IL1RAPL1: variants seen among roughly 807,000 people sequenced by gnomAD.
IL1RAPL1 encodes interleukin 1 receptor accessory protein like 1.
IL1RAPL1 carries 3 observed loss-of-function variants against 48.4 expected under a neutral mutation model. The observed-to-expected ratio is 0.06, with a 90% CI of 0.03 to 0.16. The LOEUF is 0.16. Among genes scored for constraint, IL1RAPL1 ranks in the 10% least tolerant of loss-of-function variants. IL1RAPL1 has a pLI of 1.00. For missense variants in IL1RAPL1, 349 were observed against 530.6 expected, an observed-to-expected ratio of 0.66 and a Z score of 3.36; for synonymous variants, 185 against 187.7, an observed-to-expected ratio of 0.99 and a Z score of 0.12.
chrX:29,035,324 T>TC lies in IL1RAPL1; in HGVS notation c.82+245901dup, dbSNP rs771264962. ...GTGAGAGACAGACACCTATGACACATCCATGGAGCAGAATAATGAATGCAA... is the reference window on the plus strand; with the variant it reads ...GTGAGAGACAGACACCTATGACACATCCCATGGAGCAGAATAATGAATGCAA... On this transcript the variant is annotated intron_variant, in intron 2 of 10. Coordinates refer to ENST00000378993, the MANE Select transcript of IL1RAPL1 (RefSeq NM_014271.4). Among the ~76,000 whole-genome samples the TC allele has an allele frequency of 2.8e-4, 31 of 111,531 alleles. No homozygotes were observed. The East Asian group carries it at 8.7e-3, about 31-fold the overall frequency.
intron 5 of IL1RAPL1, among the ~76,000 whole-genome samples, chrX:29,534,893 C>T (rs758440224): frequency 6.5e-5 from 7 of 108,385 alleles, no homozygotes; most frequent in African/African-American, 1.0e-4. Context: ...GGCGTGAACC[C>T]GGGAGGCGGA....
intron 5 of IL1RAPL1, among the ~76,000 whole-genome samples, chrX:29,550,534 C>G (rs1405714945): frequency 9.0e-6 from 1 of 111,487 alleles, no homozygotes; most frequent in Non-Finnish European, 1.9e-5. Flanking sequence ...AGACCTCTGC[C>G]CTATTAAAAA....
intron 6 of IL1RAPL1, among the ~76,000 whole-genome samples, chrX:29,792,496 GA>G (rs1192221876): frequency 8.9e-6 from 1 of 111,862 alleles, no homozygotes; most frequent in African/African-American, 3.2e-5. Flanking sequence ...TGTTAAGATA[GA>G]AATACTCTCG....
chrX:28,734,461 T>C (rs1376170240), intron 1 of IL1RAPL1, among the ~76,000 whole-genome samples: 1 of 111,242 alleles, frequency 9.0e-6, no homozygotes, highest in Non-Finnish European at 1.9e-5. Context: ...CTTAAGGATT[T>C]GCATTTGCTG....
chrX:28,704,304 T>C (rs910872085), intron 1 of IL1RAPL1, among the ~76,000 whole-genome samples: 9 of 109,437 alleles, frequency 8.2e-5, no homozygotes, highest in Non-Finnish European at 1.5e-4. Flanking sequence ...TAGGGAATCA[T>C]AGTTTCTTTT....
intron 3 of IL1RAPL1, among the ~76,000 whole-genome samples, chrX:29,287,981 T>C (rs1932310001): frequency 8.9e-6 from 1 of 111,796 alleles, no homozygotes; most frequent in African/African-American, 3.2e-5. Flanking sequence ...TGCCAAGTGC[T>C]AAGTCCTGAA....
intron 2 of IL1RAPL1, among the ~76,000 whole-genome samples, chrX:29,205,726 A>AT (rs374469921): frequency 9.3e-6 from 1 of 107,326 alleles, no homozygotes; most frequent in African/African-American, 3.4e-5. Context: ...ATTTTATTTT[A>AT]TTTTTTTTAT....
chrX:29,333,692 G>C (rs1226692373), intron 3 of IL1RAPL1, among the ~76,000 whole-genome samples: 107 of 81,115 alleles, frequency 1.3e-3, no homozygotes, highest in Non-Finnish European at 2.5e-3. Flanking sequence ...GGACTGGGTG[G>C]CTGGCCGGGC....
At chrX:28,797,134 C>T (rs988848865) in intron 2 of IL1RAPL1, among the ~76,000 whole-genome samples, 1 of 111,904 alleles carries the variant, frequency 8.9e-6, no homozygotes, top group African/African-American at 3.3e-5. Context: ...CTAGACTGCA[C>T]ACAGCAGGAG....
intron 1 of IL1RAPL1, among the ~76,000 whole-genome samples, chrX:28,721,180 C>T (rs1239268198): frequency 8.9e-6 from 1 of 112,135 alleles, no homozygotes; most frequent in Non-Finnish European, 1.9e-5. Flanking sequence ...ACTGCTTCCA[C>T]AATGGTTGAA....
At chrX:29,437,810 T>C (rs1307746536) in intron 5 of IL1RAPL1, among the ~76,000 whole-genome samples, 1 of 110,629 alleles carries the variant, frequency 9.0e-6, no homozygotes, top group Non-Finnish European at 1.9e-5. Flanking sequence ...TATCACTCAA[T>C]ATGACTTGTT....
intron 6 of IL1RAPL1, among the ~76,000 whole-genome samples, chrX:29,839,381 G>A (rs1224110725): frequency 1.8e-5 from 2 of 111,768 alleles, no homozygotes; most frequent in African/African-American, 3.3e-5. Context: ...GTTATACAAA[G>A]CAAATATTCT....
rs371669719 is a variant in IL1RAPL1 at position 29,357,612 on chromosome X, C to T, written c.363-38646C>T. ...ACACTTCTAAATCTGTTTTTATCAA[C>T]TATTGACCTAACTTTATTAAATGTA... On this transcript the variant is annotated intron_variant, in intron 3 of 10. Transcript: ENST00000378993. Among the ~76,000 whole-genome samples the T allele has an allele frequency of 7.1e-5, 8 of 111,982 alleles. No individual in the cohort carries two copies. The South Asian group carries it at 3.0e-3, about 41-fold the overall frequency.
intron 5 of IL1RAPL1, among the ~76,000 whole-genome samples, chrX:29,454,594 A>G (rs781140762): frequency 2.9e-4 from 33 of 111,927 alleles, no homozygotes; most frequent in African/African-American, 1.0e-3. Flanking sequence ...CAGAAGAACC[A>G]GAGTTGGAGA....
At chrX:29,568,594 C>T (rs1162793825) in intron 5 of IL1RAPL1, among the ~76,000 whole-genome samples, 1 of 110,658 alleles carries the variant, frequency 9.0e-6, no homozygotes, top group Non-Finnish European at 1.9e-5. Flanking sequence ...ACTAGTTTAA[C>T]TAAATTATAC....
chrX:28,641,217 C>G (rs150191354), intron 1 of IL1RAPL1, among the ~76,000 whole-genome samples: 2,602 of 109,800 alleles, frequency 0.024, 76 homozygotes, highest in African/African-American at 0.079. Flanking sequence ...CTCCCCCAGC[C>G]CACCACTCCC....
intron 6 of IL1RAPL1, among the ~76,000 whole-genome samples, chrX:29,752,028 ACTAC>A (rs1372048113): frequency 1.0e-5 from 1 of 99,278 alleles, no homozygotes; most frequent in Non-Finnish European, 2.0e-5. Flanking sequence ...ATAATATGTA[ACTAC>A]CTATATCTAT....
intron 5 of IL1RAPL1, among the ~76,000 whole-genome samples, chrX:29,421,790 T>C (rs1184408246): frequency 9.0e-6 from 1 of 111,696 alleles, no homozygotes; most frequent in African/African-American, 3.3e-5. Flanking sequence ...GCCAGTGCCA[T>C]AGAAAAGAGT....
chrX:29,851,617 T>C (rs1417210847), intron 6 of IL1RAPL1, among the ~76,000 whole-genome samples: 1 of 111,807 alleles, frequency 8.9e-6, no homozygotes, highest in Non-Finnish European at 1.9e-5. Context: ...TTTTCTGTCA[T>C]GCCTACCCCT....
Sources: gnomAD v4.1 joint callset for allele counts (sites outside exome capture counted in the v4.1 genomes callset) on GRCh38, gnomAD v4.1.1 for gene constraint, MANE v1.5 for transcripts, NCBI Gene and HGNC (gene_info 2026-07-23, HGNC 2026-07-21) for gene names.